The following NOS1 variants were observed in gnomAD, a reference collection of about 807,000 sequenced individuals.
NOS1 encodes the protein NOS type I.
A neutral mutation model predicts 164.5 loss-of-function variants in NOS1; 51 were observed. The ratio of observed to expected loss-of-function variants is 0.31; its 90% CI spans 0.25 to 0.39. NOS1 has a LOEUF of 0.39. Among genes scored for constraint, NOS1 ranks in the 10% least tolerant of loss-of-function variants. The pLI, the probability that NOS1 is intolerant of heterozygous loss-of-function variation, is 1.00. For missense variants in NOS1, 1,362 were observed against 1,885.6 expected, an observed-to-expected ratio of 0.72 and a Z score of 5.14; for synonymous variants, 719 against 745.8, an observed-to-expected ratio of 0.96 and a Z score of 0.59.
rs796340363 is a variant in NOS1 at position 117,280,273 on chromosome 12, T to C, written c.1524+452A>G. ...TACTCAAAGGCTTGGGTGGCTCAAA[T>C]TGTTGTATCAACAAATGAAGGAATG... On this transcript the variant is annotated intron_variant, in intron 8 of 28. Coordinates refer to ENST00000317775, the MANE Select transcript of NOS1 (RefSeq NM_000620.5). Among the ~76,000 whole-genome samples the C allele has an allele frequency of 2.1e-4, 32 of 152,316 alleles. 1 individual carries two copies. Among genetic ancestry groups the C allele is most frequent in the African/African-American group, 7.7e-4 (32 of 41,562 alleles).
rs575467154 is a variant in NOS1, at chr12:117,225,361, C to T, written c.3705-224G>A. On this transcript the variant is annotated intron_variant, in intron 24 of 28. Transcript: ENST00000317775. Reference sequence around the variant, plus strand: ...CTGGCTATTTCTCCATTCCCCAATTCTTCTCACTGCTGAGCTCAGCAAATT... The same window carrying T: ...CTGGCTATTTCTCCATTCCCCAATTTTTCTCACTGCTGAGCTCAGCAAATT... 1.1e-4 allele frequency among the ~76,000 whole-genome samples: 17 copies of T among 151,876 alleles called. No homozygotes were observed. The South Asian group carries it at 3.3e-3, about 30-fold the overall frequency.
chr12:117,329,787 G>T (rs755759994), intron 2 of NOS1, among the ~76,000 whole-genome samples: 2 of 152,170 alleles, frequency 1.3e-5, no homozygotes, highest in African/African-American at 4.8e-5. Context: ...GCCAGTTCTA[G>T]ACTTTGATTC....
intron 25 of NOS1, among the ~76,000 whole-genome samples, chr12:117,223,836 T>G (rs1280569934): frequency 6.6e-6 from 1 of 152,114 alleles, no homozygotes; most frequent in African/African-American, 2.4e-5. Flanking sequence ...GTATTTTTAG[T>G]AGAGACAGGG....
At chr12:117,217,081 G>T (rs1956623417) in intron 28 of NOS1, among the ~76,000 whole-genome samples, 1 of 152,124 alleles carries the variant, frequency 6.6e-6, no homozygotes, top group African/African-American at 2.4e-5. Context: ...TTCAAGTAAG[G>T]TTTAAATCAT....
At chr12:117,257,841 G>C (rs1195876784) in intron 16 of NOS1, among the ~76,000 whole-genome samples, 6 of 120,284 alleles carry the variant, frequency 5.0e-5, no homozygotes, top group Non-Finnish European at 1.0e-4. Flanking sequence ...TTTTGCTCTT[G>C]TTGCCCAGGC....
chr12:117,290,170 A>C, intron 4 of NOS1, 128 bp downstream of exon 4: 1 of 1,076,094 alleles, frequency 9.3e-7, no homozygotes. Context: ...TCTAGGGGGT[A>C]TGGGTCAGGG....
chr12:117,356,907 G>A lies in NOS1; in HGVS notation c.-421+4605C>T, dbSNP rs372927103. Among the ~76,000 whole-genome samples the A allele has an allele frequency of 9.1e-4, 138 of 152,332 alleles. No homozygotes were observed. The Middle Eastern group carries it at 0.01, about 11-fold the overall frequency. ...ACTTGCAAAGGCTGAGTGGAAGGCC[G>A]ATGGGCTGTGGAAATGAACTCAAAC... On this transcript the variant is annotated intron_variant, in intron 1 of 28. Transcript: ENST00000317775. This position sits in a 1 kb window ranked among gnomAD's most constrained non-coding sequence, Gnocchi z 4.2.
chr12:117,258,906 G>T, intron 15 of NOS1, 120 bp downstream of exon 15: 1 of 658,004 alleles, frequency 1.5e-6, no homozygotes, highest in Admixed American at 2.9e-5. Context: ...GAAATTACTG[G>T]CTTTCAGGCT....
chr12:117,211,607 A>C lies in NOS1; in HGVS notation c.*3702T>G. ...TTTCTCACCCTCCTCAGCCTTCCAA[A>C]GCCAGCCTCAATTTATCTTACATGC... On this transcript the variant is annotated 3_prime_UTR_variant, in exon 29 of 29. Transcript: ENST00000317775. 2.0e-6 allele frequency: 2 copies of C among 985,474 alleles called. No individual in the cohort carries two copies. The highest frequency in any genetic ancestry group is 2.4e-6 in the Non-Finnish European group (2 of 830,028). 61.0% of individuals were successfully genotyped at this position (985,474 alleles called of 1,614,324 possible). A position where few individuals can be genotyped will look rare whatever the true frequency, so the allele number is the denominator to read the frequency against.
rs753842958 is a variant in NOS1 at position 117,311,583 on chromosome 12, G to A, written c.735C>T (p.Asp245=). 2.2e-5 allele frequency: 35 copies of A among 1,610,532 alleles called. No individual in the cohort carries two copies. Among genetic ancestry groups the A allele is most frequent in the African/African-American group, 2.1e-4 (16 of 74,902 alleles). ...GGGGCAGAGGTTTGTGTGACTTGCCGTCCAAATCTCTGAAAGGCAAGGTGG... is the reference window on the plus strand; with the variant it reads ...GGGGCAGAGGTTTGTGTGACTTGCCATCCAAATCTCTGAAAGGCAAGGTGG... ...DMGIQVDRDL[D]GKSHKPLPLG... Residue 245 remains aspartate (D), a synonymous_variant, in exon 3 of 29, where the codon GAC becomes GAT. Transcript: ENST00000317775.
intron 17 of NOS1, among the ~76,000 whole-genome samples, chr12:117,251,028 T>A (rs1029192083): frequency 1.3e-5 from 2 of 152,210 alleles, no homozygotes; most frequent in Non-Finnish European, 2.9e-5. Flanking sequence ...TAACCCCCAA[T>A]GTCATGGTAT....
intron 1 of NOS1, among the ~76,000 whole-genome samples, chr12:117,349,813 T>C (rs1876533168): frequency 6.6e-6 from 1 of 152,184 alleles, no homozygotes; most frequent in Non-Finnish European, 1.5e-5. Context: ...AGTCTCGAAC[T>C]CCTGGGCTCA....
At chr12:117,236,055 C>CA (rs139490326) in intron 20 of NOS1, among the ~76,000 whole-genome samples, 1,915 of 152,152 alleles carry the variant, frequency 0.013, 51 homozygotes, top group African/African-American at 0.044. Context: ...CACCCCAACC[C>CA]AAAAAACAAA....
chr12:117,228,883 G>A (rs938618178), intron 22 of NOS1, among the ~76,000 whole-genome samples: 1 of 152,068 alleles, frequency 6.6e-6, no homozygotes, highest in Non-Finnish European at 1.5e-5. Flanking sequence ...CGGGGTTCAC[G>A]CCATTCTCCT....
At position 117,334,581 on chromosome 12, in the gene NOS1, G is replaced by C. The variant is rs183675435; in HGVS notation, c.-420-3092C>G. On this transcript the variant is annotated intron_variant, in intron 1 of 28. Coordinates refer to ENST00000317775, the MANE Select transcript of NOS1 (RefSeq NM_000620.5). Reference sequence around the variant, plus strand: ...TGGCTAATTTTGTATTTTTAGTAGAGATAGGGTTTTGCCATGTTGGACAGG... The same window carrying C: ...TGGCTAATTTTGTATTTTTAGTAGACATAGGGTTTTGCCATGTTGGACAGG... Among the ~76,000 whole-genome samples, 6 of 152,198 alleles carry C rather than the reference G, an allele frequency of 3.9e-5. No homozygotes were observed. In the East Asian group the frequency reaches 1.2e-3, roughly 29 times the overall value.
chr12:117,214,526 G>A lies in NOS1; in HGVS notation c.*783C>T, dbSNP rs1012125666. ...TCCATTGGATGGGTTCATGTCACAT[G>A]AGGGCTCTGCTCACTGGTATCAAAA... On this transcript the variant is annotated 3_prime_UTR_variant, in exon 29 of 29. Transcript: ENST00000317775. 1.4e-5 allele frequency: 14 copies of A among 985,396 alleles called. No homozygotes were observed. The highest frequency in any genetic ancestry group is 1.7e-5 in the Non-Finnish European group (14 of 829,950). 61.0% of individuals were successfully genotyped at this position (985,396 alleles called of 1,614,324 possible).
rs538132617 is a variant in NOS1, at chr12:117,360,768, T to C, written c.-421+744A>G. Among the ~76,000 whole-genome samples the C allele has an allele frequency of 1.7e-4, 26 of 152,126 alleles. 1 individual carries two copies. Among genetic ancestry groups the C allele is most frequent in the Admixed American group, 5.2e-4 (8 of 15,298 alleles). On this transcript the variant is annotated intron_variant, in intron 1 of 28. Transcript: ENST00000317775. ...GCAGAGTCGGGCACCGAGGAAGGCG[T>C]AAAGTTGAGCTTGGGCAGGTACAAC... is the stretch of plus-strand genomic sequence containing the variant.
intron 2 of NOS1, among the ~76,000 whole-genome samples, chr12:117,315,128 T>C (rs1416736535): frequency 6.6e-6 from 1 of 152,200 alleles, no homozygotes; most frequent in Non-Finnish European, 1.5e-5. Context: ...ATTAAGACTT[T>C]GTTTAAATAA....
chr12:117,233,023 A>G (rs1255925004), intron 21 of NOS1, among the ~76,000 whole-genome samples: 1 of 140,212 alleles, frequency 7.1e-6, no homozygotes, highest in Non-Finnish European at 1.5e-5. Context: ...GTGTGCCATC[A>G]TGCCTCACTA....
Sources: gnomAD v4.1 joint callset for allele counts (sites outside exome capture counted in the v4.1 genomes callset) on GRCh38, gnomAD v4.1.1 for gene constraint, Gnocchi (gnomAD v3.1) non-coding constraint, MANE v1.5 for transcripts, NCBI Gene and HGNC (gene_info 2026-07-23, HGNC 2026-07-21) for gene names.